RAB2A: variants seen among roughly 807,000 people sequenced by gnomAD.
The protein encoded by RAB2A is ras-related protein Rab-2A.
RAB2A carries 7 observed loss-of-function variants against 32.5 expected under a neutral mutation model. That is an observed-to-expected ratio of 0.22 (90% CI 0.12 to 0.40). RAB2A has a LOEUF of 0.40. Among genes scored for constraint, RAB2A ranks in the 10% least tolerant of loss-of-function variants. The pLI is 1.00. For missense variants in RAB2A, 108 were observed against 260.7 expected, an observed-to-expected ratio of 0.41 and a Z score of 4.03; for synonymous variants, 79 against 85.2, an observed-to-expected ratio of 0.93 and a Z score of 0.40.
At chr8:60,562,288 G>A (rs1204733498) in intron 2 of RAB2A, among the ~76,000 whole-genome samples, 3 of 152,096 alleles carry the variant, frequency 2.0e-5, no homozygotes, top group Non-Finnish European at 2.9e-5. Context: ...GGGATTCTTA[G>A]TAGCTCATGC....
chr8:60,556,190 T>C (rs889149297), intron 1 of RAB2A, among the ~76,000 whole-genome samples: 1 of 151,452 alleles, frequency 6.6e-6, no homozygotes, highest in Non-Finnish European at 1.5e-5. Context: ...GAAAGTAGAA[T>C]TGTGGGTATT....
At chr8:60,542,385 T>C (rs900882009) in intron 1 of RAB2A, among the ~76,000 whole-genome samples, 3 of 152,034 alleles carry the variant, frequency 2.0e-5, no homozygotes, top group African/African-American at 7.2e-5. Context: ...CGTGGTGGCA[T>C]GTGCCTGTAG....
chr8:60,568,640 T>C (rs1808151427), intron 2 of RAB2A, among the ~76,000 whole-genome samples: 1 of 152,206 alleles, frequency 6.6e-6, no homozygotes, highest in Non-Finnish European at 1.5e-5. Context: ...CAGTAAATGA[T>C]GCAAGGATGA....
At chr8:60,614,293 G>A (rs1024119141) in intron 6 of RAB2A, among the ~76,000 whole-genome samples, 1 of 151,658 alleles carries the variant, frequency 6.6e-6, no homozygotes, top group African/African-American at 2.4e-5. Flanking sequence ...TTGAGCCATT[G>A]GGCTTAGATT....
intron 3 of RAB2A, among the ~76,000 whole-genome samples, chr8:60,581,366 G>A (rs192939529): frequency 6.6e-6 from 1 of 152,342 alleles, no homozygotes; most frequent in African/African-American, 2.4e-5. Context: ...GTAGTGTAGT[G>A]TATACAGTGA....
chr8:60,603,629 A>C (rs1279291897), intron 6 of RAB2A, among the ~76,000 whole-genome samples: 2 of 152,216 alleles, frequency 1.3e-5, no homozygotes, highest in Non-Finnish European at 2.9e-5. Flanking sequence ...AGAATAATAA[A>C]ACACAGTTCA....
At chr8:60,531,819 T>C (rs901729364) in intron 1 of RAB2A, among the ~76,000 whole-genome samples, 1 of 148,594 alleles carries the variant, frequency 6.7e-6, no homozygotes, top group African/African-American at 2.5e-5. Context: ...TTTTTTTTTT[T>C]AACACGGATT....
Position 60,591,847 on chromosome 8 carries a change from C to T in RAB2A, c.363-11C>T. The T allele has an allele frequency of 6.4e-7, 1 of 1,550,574 alleles. No individual in the cohort carries two copies. Among genetic ancestry groups the T allele is most frequent in the Non-Finnish European group, 8.9e-7 (1 of 1,124,332 alleles). ...TGATTAGTAATGTGACCCTTTCTTT[C>T]CCATGTTTAGTGATTTAGAATCTAG... On this transcript the variant is annotated splice_polypyrimidine_tract_variant and intron_variant, in intron 5 of 7. Transcript: ENST00000262646.
At chr8:60,549,621 T>A (rs1807813387) in intron 1 of RAB2A, among the ~76,000 whole-genome samples, 1 of 151,780 alleles carries the variant, frequency 6.6e-6, no homozygotes, top group Non-Finnish European at 1.5e-5. Context: ...AGGGGGAGGA[T>A]GTGCACAGGC....
chr8:60,573,406 C>T (rs1232585729), intron 3 of RAB2A, among the ~76,000 whole-genome samples: 1 of 152,150 alleles, frequency 6.6e-6, no homozygotes, highest in Admixed American at 6.5e-5. Flanking sequence ...GACTGGATTC[C>T]CTAGACCAAG....
At chr8:60,578,157 C>T (rs1234689235) in intron 3 of RAB2A, among the ~76,000 whole-genome samples, 1 of 152,184 alleles carries the variant, frequency 6.6e-6, no homozygotes, top group Non-Finnish European at 1.5e-5. Context: ...AATTTTCTCA[C>T]TTTATTGGCT....
chr8:60,552,732 A>G (rs1249955733), intron 1 of RAB2A: 2 of 152,262 alleles, frequency 1.3e-5, no homozygotes, highest in African/African-American at 4.8e-5. Context: ...AAAGTTACAC[A>G]GTTGGTTAAA....
intron 6 of RAB2A, among the ~76,000 whole-genome samples, chr8:60,614,699 G>C (rs1254682066): frequency 1.3e-5 from 2 of 152,166 alleles, no homozygotes; most frequent in African/African-American, 4.8e-5. Context: ...CGAAGTCCCT[G>C]AAATTTTGCC....
intron 2 of RAB2A, among the ~76,000 whole-genome samples, chr8:60,562,954 A>G (rs1246936758): frequency 2.0e-5 from 3 of 151,990 alleles, no homozygotes; most frequent in Non-Finnish European, 4.4e-5. Context: ...TTTTGCCTTC[A>G]TTGGCCCAAG....
intron 6 of RAB2A, among the ~76,000 whole-genome samples, chr8:60,592,580 A>G (rs997978712): frequency 4.6e-5 from 7 of 152,040 alleles, no homozygotes; most frequent in Non-Finnish European, 1.0e-4. Flanking sequence ...AAAGTATTCT[A>G]TTATTGCTGT....
chr8:60,583,021 A>G (rs1460807582), intron 3 of RAB2A, among the ~76,000 whole-genome samples: 1 of 144,958 alleles, frequency 6.9e-6, no homozygotes, highest in African/African-American at 2.5e-5. Flanking sequence ...CCTAGCACAC[A>G]CTTAGTCACA....
At chr8:60,559,153 G>A (rs1159089523) in intron 2 of RAB2A, 1 of 406,722 alleles carries the variant, frequency 2.5e-6, no homozygotes, top group Middle Eastern at 6.6e-4. Context: ...TAGTTTTTAA[G>A]ATTTCAATTG....
At chr8:60,547,743 A>G (rs62510247) in intron 1 of RAB2A, among the ~76,000 whole-genome samples, 11,248 of 26,516 alleles carry the variant, frequency 0.42, 2,480 homozygotes, top group African/African-American at 0.65. Context: ...GCGGCTGGCC[A>G]GGCAGAGTGG....
intron 1 of RAB2A, among the ~76,000 whole-genome samples, chr8:60,547,016 T>C (rs1303586135): frequency 3.3e-5 from 5 of 150,284 alleles, no homozygotes; most frequent in African/African-American, 7.4e-5. Context: ...CAAAGGTCTC[T>C]GGTTTTCCTA....
Sources: gnomAD v4.1 joint callset for allele counts (sites outside exome capture counted in the v4.1 genomes callset) on GRCh38, gnomAD v4.1.1 for gene constraint, MANE v1.5 for transcripts, NCBI Gene and HGNC (gene_info 2026-07-23, HGNC 2026-07-21) for gene names.